The following LMF1 variants were observed in gnomAD, a reference collection of about 807,000 sequenced individuals.
The protein encoded by LMF1 is lipase maturation factor 1.
In LMF1, 68 loss-of-function variants were observed where a neutral mutation model predicts 60.6. That is an observed-to-expected ratio of 1.12 (90% CI 0.92 to 1.37). The LOEUF (loss-of-function observed/expected upper bound fraction) is 1.37, where lower values mean the gene tolerates loss of function less well. LMF1 is among the 40% of genes most tolerant of loss of function. The pLI is 0.00. For missense variants in LMF1, 948 were observed against 767.2 expected, an observed-to-expected ratio of 1.24 and a Z score of -2.78; for synonymous variants, 418 against 324.7, an observed-to-expected ratio of 1.29 and a Z score of -3.09.
intron 5 of LMF1, among the ~76,000 whole-genome samples, chr16:880,943 C>A (rs1438983603): frequency 3.3e-5 from 5 of 152,232 alleles, no homozygotes; most frequent in Admixed American, 1.3e-4. Context: ...GCTAGCACAG[C>A]CCGCGGGAGC....
At chr16:930,952 C>G (rs978365114) in intron 3 of LMF1, among the ~76,000 whole-genome samples, 3 of 152,164 alleles carry the variant, frequency 2.0e-5, no homozygotes, top group African/African-American at 7.2e-5. Flanking sequence ...GAAATCCCAT[C>G]TCTACTAAAA....
intron 10 of LMF1, among the ~76,000 whole-genome samples, chr16:856,909 G>T (rs1424200246): frequency 6.6e-6 from 1 of 152,254 alleles, no homozygotes; most frequent in Admixed American, 6.5e-5. Context: ...CTGACACTGA[G>T]GCCACAGACA....
At chr16:892,284 G>A (rs1048414470) in intron 5 of LMF1, among the ~76,000 whole-genome samples, 7 of 152,220 alleles carry the variant, frequency 4.6e-5, no homozygotes, top group African/African-American at 1.7e-4. Flanking sequence ...AGGAAGGGGT[G>A]TCCAGGCCTG....
intron 2 of LMF1, among the ~76,000 whole-genome samples, chr16:939,163 C>T (rs572824946): frequency 5.9e-5 from 9 of 152,128 alleles, no homozygotes; most frequent in African/African-American, 1.4e-4. Flanking sequence ...CAGAGAAATG[C>T]GTATTTAAAT....
intron 2 of LMF1, among the ~76,000 whole-genome samples, chr16:938,724 TGGATGGATGGACAGACGAAG>T (rs1316000321): frequency 6.6e-6 from 1 of 152,034 alleles, no homozygotes; most frequent in African/African-American, 2.4e-5. Context: ...CACGGACAGA[TGGATGGATGGACAGACGAAG>T]GGATGGATGG....
At chr16:946,541 T>G (rs1371640368) in intron 2 of LMF1, among the ~76,000 whole-genome samples, 1 of 152,228 alleles carries the variant, frequency 6.6e-6, no homozygotes, top group Non-Finnish European at 1.5e-5. Flanking sequence ...TTTTACAGTG[T>G]GAGGCCCGGA....
At chr16:916,345 C>T (rs1373653026) in intron 3 of LMF1, among the ~76,000 whole-genome samples, 1 of 152,344 alleles carries the variant, frequency 6.6e-6, no homozygotes, top group Non-Finnish European at 1.5e-5. Context: ...ATCTTGACTG[C>T]CTGTCACTCA....
intron 4 of LMF1, chr16:902,569 G>A (rs61163246): frequency 0.15 from 26,436 of 171,082 alleles, 2,863 homozygotes; most frequent in African/African-American, 0.28. Flanking sequence ...GTCTGGCTCA[G>A]TGTGGTGACC....
chr16:933,385 A>G (rs2071848360), intron 3 of LMF1: 1 of 152,632 alleles, frequency 6.6e-6, no homozygotes, highest in African/African-American at 2.4e-5. Context: ...AAAATACGTG[A>G]GGAATAAAAG....
At position 854,511 on chromosome 16, in the gene LMF1, G is replaced by A. The variant is rs577704308; in HGVS notation, c.*21C>T. 82 of 1,599,316 alleles carry A rather than the reference G, an allele frequency of 5.1e-5. No individual in the cohort carries two copies. The East Asian group carries it at 1.0e-3, about 20-fold the overall frequency. ...TGAGCCGCCGAGGGGCTGGGTCTTC[G>A]CCTTTATTTCTGGTGCACGTCTAGA... On this transcript the variant is annotated 3_prime_UTR_variant, in exon 11 of 11. Transcript: ENST00000262301.
At chr16:946,791 G>A (rs1261990763) in intron 2 of LMF1, among the ~76,000 whole-genome samples, 1 of 152,202 alleles carries the variant, frequency 6.6e-6, no homozygotes, top group African/African-American at 2.4e-5. Context: ...GCCCTGGTGG[G>A]CCTGACCAAG....
At chr16:861,340 T>C (rs2069457950) in intron 10 of LMF1, among the ~76,000 whole-genome samples, 1 of 150,100 alleles carries the variant, frequency 6.7e-6, no homozygotes, top group Non-Finnish European at 1.5e-5. Context: ...TGAACTCACT[T>C]ATTAATTTTC....
chr16:905,022 T>C (rs1203810749), intron 4 of LMF1: 53 of 51,748 alleles, frequency 1.0e-3, no homozygotes, highest in African/African-American at 1.1e-3. Flanking sequence ...GTCTCTGCTG[T>C]GTGGTGGTGA....
At position 970,887 on chromosome 16, in the gene LMF1, C is replaced by A. The variant is rs902066842; in HGVS notation, c.94G>T (p.Ala32Ser). 1 of 1,573,648 alleles carries A rather than the reference C, an allele frequency of 6.4e-7. No homozygotes were observed. Among genetic ancestry groups the A allele is most frequent in the Non-Finnish European group, 8.6e-7 (1 of 1,162,156 alleles). The change falls in exon 1 of 11, where the codon GCG (alanine) becomes TCG (serine). Residue 32 changes from alanine to serine, a missense_variant. Physicochemically the swap from Ala to Ser is moderately conservative, Grantham distance 99. Coordinates refer to ENST00000262301, the MANE Select transcript of LMF1 (RefSeq NM_022773.4). ...YSDPEPESPPAPGRGPAGSPA... is the reference protein window; with the variant it reads ...YSDPEPESPPSPGRGPAGSPA... ...GAGCCTGCGGGGCCACGCCCCGGCG[C>A]GGGCGGCGACTCAGGCTCCGGATCC...
chr16:971,544 C>T (rs1235491261), upstream of LMF1, among the ~76,000 whole-genome samples: 1 of 152,234 alleles, frequency 6.6e-6, no homozygotes, highest in Non-Finnish European at 1.5e-5. Flanking sequence ...GAGCACCCTT[C>T]CGCCTTTGCA....
intron 9 of LMF1, chr16:869,432 CCTT>C (rs1430655868): frequency 9.0e-6 from 5 of 553,130 alleles, no homozygotes; most frequent in Admixed American, 2.2e-5. Flanking sequence ...CCTGGGGATT[CCTT>C]CTTTCCTGTT....
At chr16:911,882 G>A (rs2071132664) in intron 3 of LMF1, among the ~76,000 whole-genome samples, 1 of 152,104 alleles carries the variant, frequency 6.6e-6, no homozygotes, top group Non-Finnish European at 1.5e-5. Context: ...CAGCAGCTCC[G>A]CCACTGGATG....
intron 4 of LMF1, chr16:900,724 TGTGTG>T (rs1567208631): frequency 0.039 from 5,703 of 147,440 alleles, 162 homozygotes; most frequent in African/African-American, 0.06. Flanking sequence ...TGTGTGTGTG[TGTGTG>T]TGTTTTAGTA....
intron 5 of LMF1, among the ~76,000 whole-genome samples, chr16:889,932 C>A (rs553857740): frequency 6.6e-6 from 1 of 152,338 alleles, no homozygotes; most frequent in African/African-American, 2.4e-5. Context: ...CCCTCTGCCT[C>A]ATGGCTGCTG....
Sources: gnomAD v4.1 joint callset for allele counts (sites outside exome capture counted in the v4.1 genomes callset) on GRCh38, gnomAD v4.1.1 for gene constraint, MANE v1.5 for transcripts, NCBI Gene and HGNC (gene_info 2026-07-23, HGNC 2026-07-21) for gene names.